DGKA: variants seen among roughly 807,000 people sequenced by gnomAD.
DGKA encodes 80 kDa diacylglycerol kinase.
A neutral mutation model predicts 105.0 loss-of-function variants in DGKA; 35 were observed. The observed-to-expected ratio is 0.33, with a 90% CI of 0.25 to 0.44. DGKA has a LOEUF of 0.44. DGKA is among the 20% of genes least tolerant of loss of function. DGKA has a pLI of 1.00. For synonymous variants in DGKA, 296 were observed against 332.0 expected (o/e 0.89, Z 1.18); for missense variants, 665 against 915.0 (o/e 0.73, Z 3.53).
chr12:55,940,490 C>A lies in DGKA; in HGVS notation c.918+57C>A. The A allele has an allele frequency of 1.2e-6, 2 of 1,601,114 alleles. No individual in the cohort carries two copies. The highest frequency in any genetic ancestry group is 2.2e-5 in the East Asian group (1 of 44,756). On this transcript the variant is annotated intron_variant, in intron 11 of 23. Coordinates refer to ENST00000331886, the MANE Select transcript of DGKA (RefSeq NM_001345.5). The surrounding 1 kb of genome is among the most constrained non-coding windows in gnomAD (Gnocchi z 4.3). Reference sequence around the variant, plus strand: ...TCTTACCCCGCAGAGCTGCCTTCTCCACGGGCCTCCGGCCACACCTCCTTT... The same window carrying A: ...TCTTACCCCGCAGAGCTGCCTTCTCAACGGGCCTCCGGCCACACCTCCTTT...
intron 13 of DGKA, 109 bp from the exon 14 acceptor site, chr12:55,941,143 G>T (rs897663917): frequency 7.3e-7 from 1 of 1,375,950 alleles, no homozygotes; most frequent in East Asian, 2.3e-5. Context: ...CAGGAGGGAG[G>T]GGGGAAATAT....
intron 23 of DGKA, 30 bp from the exon 24 acceptor site, chr12:55,953,655 T>C: frequency 6.2e-7 from 1 of 1,604,986 alleles, no homozygotes; most frequent in Non-Finnish European, 8.5e-7. Context: ...TATCAGGTCC[T>C]GCCTCTGAAT....
Position 55,941,591 on chromosome 12 carries a change from A to T in DGKA, c.1250+7A>T. On this transcript the variant is annotated splice_region_variant and intron_variant, in intron 15 of 23. Transcript: ENST00000331886. ...AGGATGGTCCTGAGATAGGGTGAGC[A>T]CAGGTTAGGGACTGTATCACAGTGT... The T allele has an allele frequency of 1.9e-6, 3 of 1,613,888 alleles. No individual in the cohort carries two copies. The highest frequency in any genetic ancestry group is 2.5e-6 in the Non-Finnish European group (3 of 1,179,764).
rs1883831343 is a variant in DGKA, at chr12:55,932,609, CTT to C, written c.-82+1266_-82+1267del. ...GAATGGCAAATATTACTGGGCATCTCTTCAGCCTCAGCACAGACAAGCCCACA... is the reference window on the plus strand; with the variant it reads ...GAATGGCAAATATTACTGGGCATCTCCAGCCTCAGCACAGACAAGCCCACA... On this transcript the variant is annotated intron_variant, in intron 1 of 23. Coordinates refer to ENST00000331886, the MANE Select transcript of DGKA (RefSeq NM_001345.5). The surrounding 1 kb of genome is among the most constrained non-coding windows in gnomAD (Gnocchi z 4.3). 1.4e-6 allele frequency: 1 copy of C among 702,198 alleles called. No individual in the cohort carries two copies. The highest frequency in any genetic ancestry group is 2.0e-5 in the Admixed American group (1 of 49,958). 43.5% of individuals were successfully genotyped at this position (702,198 alleles called of 1,614,324 possible).
intron 5 of DGKA, 130 bp from the exon 6 acceptor site, chr12:55,938,379 CAG>C (rs1189506111): frequency 1.8e-6 from 2 of 1,135,866 alleles, no homozygotes; most frequent in African/African-American, 3.1e-5. Flanking sequence ...GTCTCTCTCT[CAG>C]TCCCATCCCA....
chr12:55,939,800 T>C, intron 9 of DGKA: 1 of 586,246 alleles, frequency 1.7e-6, no homozygotes, highest in Non-Finnish European at 3.0e-6. Context: ...ATATCTATTA[T>C]GATTACTGTT....
chr12:55,944,825 A>G (rs1464244791), intron 17 of DGKA, among the ~76,000 whole-genome samples: 1 of 152,004 alleles, frequency 6.6e-6, no homozygotes, highest in Non-Finnish European at 1.5e-5. Flanking sequence ...TTTGAGACAG[A>G]GTCTCATTCT....
rs1888468585 is a variant in DGKA at position 55,953,046 on chromosome 12, G to C, written c.1949G>C (p.Ser650Thr). The change falls in exon 22 of 24, where the codon AGT becomes ACT. Residue 650 changes from serine to threonine, a missense_variant. Transcript: ENST00000331886. Reference protein sequence around the residue: ...DILKTCVPDLSDKRLEVVGLE... With the variant: ...DILKTCVPDLTDKRLEVVGLE... Reference sequence around the variant, plus strand: ...CTCCCTACTTCGTCCCCAGACCTAAGTGACAAGAGACTGGAAGTGGTTGGG... The same window carrying C: ...CTCCCTACTTCGTCCCCAGACCTAACTGACAAGAGACTGGAAGTGGTTGGG... The C allele has an allele frequency of 3.1e-6, 5 of 1,614,186 alleles. No individual in the cohort carries two copies. The East Asian group carries it at 1.1e-4, about 36-fold the overall frequency.
At chr12:55,927,328 C>A (rs1283293744), upstream of DGKA, 1 of 767,428 alleles carries the variant, frequency 1.3e-6, no homozygotes. Flanking sequence ...CATTACTGAG[C>A]GCTTGCTGCC....
Position 55,953,073 on chromosome 12 carries a change from TG to T in DGKA, c.1978del (p.Glu660ArgfsTer75), listed in dbSNP as rs1204568586. The T allele has an allele frequency of 2.5e-6, 4 of 1,614,034 alleles. No individual in the cohort carries two copies. The highest frequency in any genetic ancestry group is 3.4e-6 in the Non-Finnish European group (4 of 1,180,034). ...GACAAGAGACTGGAAGTGGTTGGGCTGGAGGGTGCAATTGAGATGGGCCAAA... is the reference window on the plus strand; with the variant it reads ...GACAAGAGACTGGAAGTGGTTGGGCTGAGGGTGCAATTGAGATGGGCCAAA... ...LSDKRLEVVG[L>X]EGAIEMGQIY... is the part of the protein sequence containing the mutation. On this transcript the variant is annotated frameshift_variant, in exon 22 of 24. Coordinates refer to ENST00000331886, the MANE Select transcript of DGKA (RefSeq NM_001345.5). LOFTEE classifies it high-confidence loss of function.
chr12:55,952,925 T>C lies in DGKA; in HGVS notation c.1935T>C (p.Cys645=). 6.2e-7 allele frequency: 1 copy of C among 1,614,172 alleles called. No homozygotes were observed. The highest frequency in any genetic ancestry group is 8.5e-7 in the Non-Finnish European group (1 of 1,180,028). Residue 645 remains cysteine, a synonymous_variant, in exon 21 of 24, where the codon TGT becomes TGC. Transcript: ENST00000331886. This position sits in a 1 kb window ranked among gnomAD's most constrained non-coding sequence, Gnocchi z 5.1. ...CCGACCCTGATATCCTGAAAACCTG[T>C]GTACCAGGTGAGAGGAGCAGCCTTG... ...VITDPDILKT[C]VPDLSDKRLE... is the part of the protein sequence containing the mutation.
intron 17 of DGKA, 88 bp downstream of exon 17, chr12:55,942,351 A>G: frequency 5.6e-6 from 7 of 1,254,114 alleles, no homozygotes; most frequent in African/African-American, 3.0e-5. Context: ...GGCATCTGGT[A>G]TGGAAAGGAT....
intron 14 of DGKA, 68 bp from the exon 15 acceptor site, chr12:55,941,442 G>C: frequency 1.3e-6 from 2 of 1,591,050 alleles, no homozygotes. Flanking sequence ...CACACAAAGA[G>C]GGTGAGGTTC....
upstream of DGKA, chr12:55,927,369 G>A (rs1180423173): frequency 1.4e-6 from 1 of 721,948 alleles, no homozygotes; most frequent in Admixed American, 2.0e-5. Flanking sequence ...GCCAAGAGAA[G>A]TTCCGAGGCA....
intron 17 of DGKA, among the ~76,000 whole-genome samples, chr12:55,944,121 C>A (rs1034960626): frequency 6.6e-6 from 1 of 152,104 alleles, no homozygotes; most frequent in Non-Finnish European, 1.5e-5. Flanking sequence ...CAAAGTGAGA[C>A]CAAGTCTCTA....
rs774221955 is a variant in DGKA, at chr12:55,940,876, T to C, written c.1018-21T>C. 20 of 1,613,092 alleles carry C rather than the reference T, an allele frequency of 1.2e-5. No homozygotes were observed. The highest frequency in any genetic ancestry group is 1.5e-5 in the Non-Finnish European group (18 of 1,179,340). ...CATGCACAATACAGCTTTTCTTCCC[T>C]CTACTTTCTTCCCCTCCCAGGCCTC... is the stretch of plus-strand genomic sequence containing the variant. On this transcript the variant is annotated intron_variant, in intron 12 of 23. Coordinates refer to ENST00000331886, the MANE Select transcript of DGKA (RefSeq NM_001345.5). The surrounding 1 kb of genome is among the most constrained non-coding windows in gnomAD (Gnocchi z 4.3).
At chr12:55,938,309 A>T in intron 5 of DGKA, 1 of 729,912 alleles carries the variant, frequency 1.4e-6, no homozygotes, top group Non-Finnish European at 2.3e-6. Context: ...TGGATTATGT[A>T]TTGTCTCCCC....
In DGKA at chr12:55,932,433, C is replaced by A; in HGVS notation, c.-82+1089C>A. 1.5e-6 allele frequency: 1 copy of A among 665,276 alleles called. No individual in the cohort carries two copies. The highest frequency in any genetic ancestry group is 2.7e-6 in the Non-Finnish European group (1 of 363,754). The allele number at this position is 665,276 out of a possible 1,614,324, so 41.2% of individuals were successfully genotyped here. On this transcript the variant is annotated intron_variant, in intron 1 of 23. Coordinates refer to ENST00000331886, the MANE Select transcript of DGKA (RefSeq NM_001345.5). The surrounding 1 kb of genome is among the most constrained non-coding windows in gnomAD (Gnocchi z 4.3). ...AGTCCTCTTCGGAACCTCCACAGTG[C>A]CGCACGGGTGGAGAAGGGTTCTTGT...
At chr12:55,941,036 C>G in intron 13 of DGKA, 56 bp downstream of exon 13, 1 of 1,566,394 alleles carries the variant, frequency 6.4e-7, no homozygotes, top group Non-Finnish European at 8.7e-7. Context: ...CACTGGAGCC[C>G]TCATGGGTGG....
Sources: allele counts gnomAD v4.1 joint callset (sites outside exome capture counted in the v4.1 genomes callset), GRCh38; gene constraint gnomAD v4.1.1; non-coding constraint Gnocchi (gnomAD v3.1); transcripts MANE v1.5; gene names NCBI Gene and HGNC (gene_info 2026-07-23, HGNC 2026-07-21).